Variants in SMIM38 observed in about 807,000 individuals in gnomAD.
The protein encoded by SMIM38 is small integral membrane protein 38.
At position 69,157,921 on chromosome 11, in the gene SMIM38, C is replaced by T. The variant is rs985508344; in HGVS notation, c.75C>T (p.Arg25=). The T allele has an allele frequency of 1.0e-5, 4 of 399,128 alleles. No individual in the cohort carries two copies. Among genetic ancestry groups the T allele is most frequent in the Non-Finnish European group, 1.8e-5 (4 of 226,592 alleles). The allele number at this position is 399,128 out of a possible 1,614,324, so 24.7% of individuals were successfully genotyped here. A position where few individuals can be genotyped will look rare whatever the true frequency, so the allele number is the denominator to read the frequency against. ...LALLVVILLA[R]LILWSCLGTY... ...TGCTGGTGGTGATCCTGCTAGCACG[C>T]CTCATCCTGTGGTCCTGCCTCGGGA... Residue 25 remains arginine (R), a synonymous_variant, in exon 2 of 3, where the codon CGC becomes CGT. Transcript: ENST00000686237.
At chr11:69,159,418 ATTT>A (rs71046504) in intron 2 of SMIM38, 25 bp from the exon 3 acceptor site, 2 of 144,780 alleles carry the variant, frequency 1.4e-5, no homozygotes, top group African/African-American at 2.6e-5. Context: ...TGCCAAGGAA[ATTT>A]TTTTTTTTTT....
In SMIM38 at chr11:69,157,581, T is replaced by TG. The variant is rs1196804552; in HGVS notation, c.-265dup. ...ACACGGGCCTCTTGACCAAGGAGGC[T>TG]GCTCGTCGTCCCCAGTCTGTCCTCT... On this transcript the variant is annotated 5_prime_UTR_variant, in exon 2 of 3. It removes the in-frame stop codon of an upstream open reading frame in the 5' UTR. Coordinates refer to ENST00000686237, the MANE Select transcript of SMIM38 (RefSeq NM_001369201.2). 1 of 361,772 alleles carries TG rather than the reference T, an allele frequency of 2.8e-6. No individual in the cohort carries two copies. The highest frequency in any genetic ancestry group is 2.1e-5 in the African/African-American group (1 of 47,898). 22.4% of individuals were successfully genotyped at this position (361,772 alleles called of 1,614,324 possible). A position where few individuals can be genotyped will look rare whatever the true frequency, so the allele number is the denominator to read the frequency against.
rs1055025640 is a variant in SMIM38 at position 69,159,969 on chromosome 11, C to T, written c.*1873C>T. ...TGTCTTGTTTTTAAAATGGAAAGTT[C>T]GATGTCCTGGAAAACCCCTCAGTCC... On this transcript the variant is annotated 3_prime_UTR_variant, in exon 3 of 3. Coordinates refer to ENST00000686237, the MANE Select transcript of SMIM38 (RefSeq NM_001369201.2). The T allele has an allele frequency of 6.6e-6, 1 of 152,126 alleles. No individual in the cohort carries two copies. Among genetic ancestry groups the T allele is most frequent in the Non-Finnish European group, 1.5e-5 (1 of 68,046 alleles). 9.4% of individuals were successfully genotyped at this position (152,126 alleles called of 1,614,324 possible).
rs142061140 is a variant in SMIM38, at chr11:69,159,097, C to T, written c.*1095C>T. The T allele has an allele frequency of 6.6e-6, 1 of 152,334 alleles. No homozygotes were observed. Among genetic ancestry groups the T allele is most frequent in the African/African-American group, 2.4e-5 (1 of 41,570 alleles). 9.4% of individuals were successfully genotyped at this position (152,334 alleles called of 1,614,324 possible). Reference sequence around the variant, plus strand: ...CCTGGTGATGTGGCAACGTCTTGCTCCCTGAGAGGTGATGGGTATGCTAGG... The same window carrying T: ...CCTGGTGATGTGGCAACGTCTTGCTTCCTGAGAGGTGATGGGTATGCTAGG... On this transcript the variant is annotated 3_prime_UTR_variant, in exon 2 of 3. Coordinates refer to ENST00000686237, the MANE Select transcript of SMIM38 (RefSeq NM_001369201.2).
Position 69,157,658 on chromosome 11 carries a change from T to A in SMIM38, c.-189T>A. On this transcript the variant is annotated 5_prime_UTR_variant, in exon 2 of 3. It adds an upstream start codon to the 5' untranslated region. Transcript: ENST00000686237. ...AGTCTGGCGGGCAGATCTGGCCTGC[T>A]TGGTGGCACCAGAGAGAACAGGGCG... The A allele has an allele frequency of 2.5e-6, 1 of 395,422 alleles. No homozygotes were observed. Among genetic ancestry groups the A allele is most frequent in the East Asian group, 3.6e-5 (1 of 27,938 alleles). 24.5% of individuals were successfully genotyped at this position (395,422 alleles called of 1,614,324 possible).
Position 69,158,517 on chromosome 11 carries a change from C to A in SMIM38, c.*515C>A, listed in dbSNP as rs1857019560. ...GCTGTCCTGATTTCTCCAGAGCAGA[C>A]CCCTGGGAAGGGTCTCAGGACGCAC... On this transcript the variant is annotated 3_prime_UTR_variant, in exon 2 of 3. Coordinates refer to ENST00000686237, the MANE Select transcript of SMIM38 (RefSeq NM_001369201.2). 1 of 152,374 alleles carries A rather than the reference C, an allele frequency of 6.6e-6. No homozygotes were observed. The highest frequency in any genetic ancestry group is 2.1e-4 in the South Asian group (1 of 4,824). The allele number at this position is 152,374 out of a possible 1,614,324, so 9.4% of individuals were successfully genotyped here. A position where few individuals can be genotyped will look rare whatever the true frequency, so the allele number is the denominator to read the frequency against.
At chr11:69,156,591 C>CGTGTGTGT (rs10651002) in intron 1 of SMIM38, among the ~76,000 whole-genome samples, 54 of 150,812 alleles carry the variant, frequency 3.6e-4, no homozygotes, top group African/African-American at 1.1e-3. Context: ...CATGTGTATG[C>CGTGTGTGT]GTGTGTGTGT....
rs1857049148 is a variant in SMIM38 at position 69,161,023 on chromosome 11, C to T, written c.*2927C>T. On this transcript the variant is annotated 3_prime_UTR_variant, in exon 3 of 3. Coordinates refer to ENST00000686237, the MANE Select transcript of SMIM38 (RefSeq NM_001369201.2). The stretch of plus-strand genomic sequence containing the variant: ...GACAGCTTTGTGAAGTTATCAGGGT[C>T]TCAGACCCTGACATATTTCTGCTCT... The T allele has an allele frequency of 6.6e-6, 1 of 152,232 alleles. No individual in the cohort carries two copies. Among genetic ancestry groups the T allele is most frequent in the Non-Finnish European group, 1.5e-5 (1 of 68,044 alleles). The allele number at this position is 152,232 out of a possible 1,614,324, so 9.4% of individuals were successfully genotyped here.
intron 2 of SMIM38, 41 bp from the exon 3 acceptor site, chr11:69,159,405 C>T (rs1202138216): frequency 6.8e-6 from 1 of 147,982 alleles, no homozygotes; most frequent in Non-Finnish European, 1.5e-5. Flanking sequence ...ATACACTCAC[C>T]TATGCCAAGG....
chr11:69,158,114 C>G lies in SMIM38; in HGVS notation c.*112C>G, dbSNP rs924032573. The stretch of plus-strand genomic sequence containing the variant: ...GGCGCATGATCCCCATGTCCCACCC[C>G]TGGGGCAGGAGCTCAGAGAGGCCTG... On this transcript the variant is annotated 3_prime_UTR_variant, in exon 2 of 3. Coordinates refer to ENST00000686237, the MANE Select transcript of SMIM38 (RefSeq NM_001369201.2). The G allele has an allele frequency of 2.3e-5, 9 of 397,192 alleles. No individual in the cohort carries two copies. Among genetic ancestry groups the G allele is most frequent in the Non-Finnish European group, 4.0e-5 (9 of 225,724 alleles). 24.6% of individuals were successfully genotyped at this position (397,192 alleles called of 1,614,324 possible).
Position 69,159,336 on chromosome 11 carries a change from G to A in SMIM38, c.*1334G>A, listed in dbSNP as rs1457906284. 2.0e-5 allele frequency: 3 copies of A among 152,172 alleles called. No homozygotes were observed. Among genetic ancestry groups the A allele is most frequent in the Non-Finnish European group, 4.4e-5 (3 of 68,064 alleles). 9.4% of individuals were successfully genotyped at this position (152,172 alleles called of 1,614,324 possible). A position where few individuals can be genotyped will look rare whatever the true frequency, so the allele number is the denominator to read the frequency against. ...GGGAGCCTCTGCCTTGCTGTGTCCT[G>A]GCTGAATGAACCCAGGTGAGGACCA... On this transcript the variant is annotated 3_prime_UTR_variant, in exon 2 of 3. Coordinates refer to ENST00000686237, the MANE Select transcript of SMIM38 (RefSeq NM_001369201.2).
rs1249680841 is a variant in SMIM38 at position 69,156,018 on chromosome 11, G to A, written c.-770G>A. 1 of 152,454 alleles carries A rather than the reference G, an allele frequency of 6.6e-6. No homozygotes were observed. Among genetic ancestry groups the A allele is most frequent in the East Asian group, 1.9e-4 (1 of 5,178 alleles). The allele number at this position is 152,454 out of a possible 1,614,324, so 9.4% of individuals were successfully genotyped here. Reference sequence around the variant, plus strand: ...GGGTGCAGGGCACACCACAGATGGAGGAAGGGCCAGGCATGCTTCCCAGAC... The same window carrying A: ...GGGTGCAGGGCACACCACAGATGGAAGAAGGGCCAGGCATGCTTCCCAGAC... On this transcript the variant is annotated 5_prime_UTR_variant, in exon 1 of 3. Transcript: ENST00000686237.
rs1857057209 is a variant in SMIM38, at chr11:69,161,938, A to G, written c.*3842A>G. 3 of 151,540 alleles carry G rather than the reference A, an allele frequency of 2.0e-5. No individual in the cohort carries two copies. The highest frequency in any genetic ancestry group is 4.4e-5 in the Non-Finnish European group (3 of 67,904). The allele number at this position is 151,540 out of a possible 1,614,324, so 9.4% of individuals were successfully genotyped here. A position where few individuals can be genotyped will look rare whatever the true frequency, so the allele number is the denominator to read the frequency against. On this transcript the variant is annotated 3_prime_UTR_variant, in exon 3 of 3. Transcript: ENST00000686237. The stretch of plus-strand genomic sequence containing the variant: ...GTCCTAATCAGAGGAGGAGATTAGG[A>G]CCCAGACACACACACACACACAGAG...
Position 69,158,174 on chromosome 11 carries a change from G to A in SMIM38, c.*172G>A. On this transcript the variant is annotated 3_prime_UTR_variant, in exon 2 of 3. Transcript: ENST00000686237. ...GTGCCTTCCCAGACTGACCAGGGCT[G>A]TCCCGTAGAGGCAGCTGGCCATGTG... 2.5e-6 allele frequency: 1 copy of A among 394,362 alleles called. No homozygotes were observed. Among genetic ancestry groups the A allele is most frequent in the Non-Finnish European group, 4.5e-6 (1 of 223,922 alleles). 24.4% of individuals were successfully genotyped at this position (394,362 alleles called of 1,614,324 possible). A position where few individuals can be genotyped will look rare whatever the true frequency, so the allele number is the denominator to read the frequency against.
rs554562336 is a variant in SMIM38, at chr11:69,160,295, T to C, written c.*2199T>C. On this transcript the variant is annotated 3_prime_UTR_variant, in exon 3 of 3. Coordinates refer to ENST00000686237, the MANE Select transcript of SMIM38 (RefSeq NM_001369201.2). ...TCCGCCTCTGGGGCTCAAGCAATTC[T>C]CCTGCCTCAGCCTCCCGAGTAGCTG... 6.6e-6 allele frequency: 1 copy of C among 152,004 alleles called. No homozygotes were observed. Among genetic ancestry groups the C allele is most frequent in the South Asian group, 2.1e-4 (1 of 4,810 alleles). The allele number at this position is 152,004 out of a possible 1,614,324, so 9.4% of individuals were successfully genotyped here.
rs550909868 is a variant in SMIM38, at chr11:69,160,849, G to A, written c.*2753G>A. The A allele has an allele frequency of 3.3e-5, 5 of 152,340 alleles. No homozygotes were observed. The East Asian group carries it at 9.6e-4, about 29-fold the overall frequency. The allele number at this position is 152,340 out of a possible 1,614,324, so 9.4% of individuals were successfully genotyped here. On this transcript the variant is annotated 3_prime_UTR_variant, in exon 3 of 3. Transcript: ENST00000686237. ...TGAATGAATGAGAGGGTGTGCCCTG[G>A]CCGTATCTCAGGCAGCAGATGCATT...
At chr11:69,156,809 C>G (rs1226169088) in intron 1 of SMIM38, among the ~76,000 whole-genome samples, 1 of 152,292 alleles carries the variant, frequency 6.6e-6, no homozygotes, top group East Asian at 1.9e-4. Flanking sequence ...GCAGGATCTG[C>G]GGCTCTGAGA....
rs1035813791 is a variant in SMIM38, at chr11:69,161,001, A to G, written c.*2905A>G. 6.6e-6 allele frequency: 1 copy of G among 152,228 alleles called. No homozygotes were observed. The highest frequency in any genetic ancestry group is 1.5e-5 in the Non-Finnish European group (1 of 68,038). The allele number at this position is 152,228 out of a possible 1,614,324, so 9.4% of individuals were successfully genotyped here. ...TGGCATTCCCAGGCTGTGGCGTGAC[A>G]GCTTTGTGAAGTTATCAGGGTCTCA... On this transcript the variant is annotated 3_prime_UTR_variant, in exon 3 of 3. Transcript: ENST00000686237.
intron 1 of SMIM38, among the ~76,000 whole-genome samples, chr11:69,156,594 G>A (rs1236795925): frequency 1.7e-5 from 1 of 58,580 alleles, no homozygotes; most frequent in African/African-American, 5.4e-5. Context: ...GTGTATGCGT[G>A]TGTGTGTGTG....
Sources: gnomAD v4.1 joint callset for allele counts (sites outside exome capture counted in the v4.1 genomes callset) on GRCh38, gnomAD v4.1.1 for gene constraint, MANE v1.5 for transcripts, NCBI Gene and HGNC (gene_info 2026-07-23, HGNC 2026-07-21) for gene names.